The following AGMO variants were observed in gnomAD, a reference collection of about 807,000 sequenced individuals.
AGMO encodes the protein glyceryl-ether monooxygenase.
AGMO carries 75 observed loss-of-function variants against 60.2 expected under a neutral mutation model. That is an observed-to-expected ratio of 1.25 (90% CI 1.03 to 1.51). The LOEUF (loss-of-function observed/expected upper bound fraction) is 1.51, where lower values mean the gene tolerates loss of function less well. Among genes scored for constraint, AGMO ranks in the 40% most tolerant of loss-of-function variants. The pLI is 0.00. For missense variants in AGMO, 763 were observed against 525.5 expected (o/e 1.45, Z -4.42); for synonymous variants, 261 against 177.1 (o/e 1.47, Z -3.76).
intron 3 of AGMO, among the ~76,000 whole-genome samples, chr7:15,465,341 G>T (rs1380943263): frequency 1.3e-5 from 2 of 150,536 alleles, no homozygotes; most frequent in Non-Finnish European, 3.0e-5. Flanking sequence ...GTGTGTGCGT[G>T]TGTGTATATA....
intron 12 of AGMO, among the ~76,000 whole-genome samples, chr7:15,305,897 A>G (rs1020839748): frequency 2.6e-5 from 4 of 151,966 alleles, no homozygotes; most frequent in African/African-American, 9.7e-5. Context: ...AAAAGAACAA[A>G]TCTTTTTTTA....
intron 10 of AGMO, among the ~76,000 whole-genome samples, chr7:15,366,923 T>A (rs955190861): frequency 6.6e-6 from 1 of 152,042 alleles, no homozygotes; most frequent in African/African-American, 2.4e-5. Context: ...AGTCTGTCCA[T>A]TGAGATTATT....
chr7:15,445,524 T>C (rs1484945963), intron 3 of AGMO, among the ~76,000 whole-genome samples: 1 of 152,198 alleles, frequency 6.6e-6, no homozygotes, highest in African/African-American at 2.4e-5. Flanking sequence ...CTACCAGAGC[T>C]ACCTCATTTG....
chr7:15,185,852 T>C, the AGMO span, among the ~76,000 whole-genome samples: 2 of 152,176 alleles, frequency 1.3e-5, no homozygotes, highest in African/African-American at 4.8e-5. Context: ...AGAATCAAAA[T>C]TAATTAAGCA....
chr7:15,536,688 C>T (rs1040204689), intron 3 of AGMO, among the ~76,000 whole-genome samples: 1 of 151,776 alleles, frequency 6.6e-6, no homozygotes, highest in Non-Finnish European at 1.5e-5. Context: ...AAAATTAATA[C>T]ATAAGTAAAT....
intron 2 of AGMO, among the ~76,000 whole-genome samples, chr7:15,551,025 A>G (rs1318371344): frequency 6.7e-6 from 1 of 148,506 alleles, no homozygotes; most frequent in Non-Finnish European, 1.5e-5. Flanking sequence ...ACGCAAATCA[A>G]TAAATGTAAT....
At chr7:15,345,427 C>A (rs1245054196) in intron 12 of AGMO, among the ~76,000 whole-genome samples, 1 of 152,136 alleles carries the variant, frequency 6.6e-6, no homozygotes, top group African/African-American at 2.4e-5. Flanking sequence ...ACTCAAGATA[C>A]AAATCATCAC....
chr7:15,540,390 A>G (rs1237883184), intron 3 of AGMO, among the ~76,000 whole-genome samples: 2 of 152,186 alleles, frequency 1.3e-5, no homozygotes, highest in Non-Finnish European at 2.9e-5. Flanking sequence ...ACAGCTGAGC[A>G]AGAGGTGAAG....
intron 5 of AGMO, among the ~76,000 whole-genome samples, chr7:15,395,570 G>A (rs376865815): frequency 6.6e-6 from 1 of 152,186 alleles, no homozygotes; most frequent in East Asian, 1.9e-4. Context: ...CACGACAGCT[G>A]ATCCAGATTA....
chr7:15,134,915 T>C, the AGMO span, among the ~76,000 whole-genome samples: 1 of 152,250 alleles, frequency 6.6e-6, no homozygotes, highest in South Asian at 2.1e-4. Flanking sequence ...ACTTTTAGTT[T>C]ACACACGAAT....
chr7:15,210,874 A>G (rs960814348), intron 12 of AGMO, among the ~76,000 whole-genome samples: 5 of 152,122 alleles, frequency 3.3e-5, no homozygotes, highest in African/African-American at 1.2e-4. Flanking sequence ...AGCAGCAGAG[A>G]AAATATTTTT....
intron 10 of AGMO, among the ~76,000 whole-genome samples, chr7:15,383,761 C>T (rs1283695661): frequency 6.6e-6 from 1 of 152,040 alleles, no homozygotes; most frequent in African/African-American, 2.4e-5. Context: ...TCTGTATTCA[C>T]TGAATGTTAA....
chr7:15,363,325 T>A (rs1583459473), intron 12 of AGMO, among the ~76,000 whole-genome samples: 1 of 152,126 alleles, frequency 6.6e-6, no homozygotes, highest in African/African-American at 2.4e-5. Flanking sequence ...GATCCTTAAG[T>A]TCATATAAAA....
chr7:15,288,223 G>A (rs1029185190), intron 12 of AGMO, among the ~76,000 whole-genome samples: 4 of 151,674 alleles, frequency 2.6e-5, no homozygotes, highest in South Asian at 2.1e-4. Context: ...TAGTAGAGAC[G>A]GAGTTTCACC....
At chr7:15,302,648 T>C (rs1780479087) in intron 12 of AGMO, among the ~76,000 whole-genome samples, 1 of 152,172 alleles carries the variant, frequency 6.6e-6, no homozygotes, top group Non-Finnish European at 1.5e-5. Flanking sequence ...CAGGTATTTA[T>C]TTTCTAATAT....
intron 4 of AGMO, among the ~76,000 whole-genome samples, chr7:15,423,546 G>A (rs886702571): frequency 3.9e-5 from 6 of 152,192 alleles, no homozygotes; most frequent in African/African-American, 1.4e-4. Context: ...AACATGGTGT[G>A]GGAGACCCTG....
At chr7:15,355,367 G>C (rs536220512) in intron 12 of AGMO, among the ~76,000 whole-genome samples, 2 of 152,024 alleles carry the variant, frequency 1.3e-5, no homozygotes, top group East Asian at 3.9e-4. Context: ...GCCAAGCATG[G>C]TGGCGGATGC....
At chr7:15,382,217 ATC>A (rs1783722479) in intron 10 of AGMO, among the ~76,000 whole-genome samples, 1 of 152,192 alleles carries the variant, frequency 6.6e-6, no homozygotes, top group South Asian at 2.1e-4. Context: ...TTATTCAATA[ATC>A]TCTATAACAA....
chr7:15,371,612 G>T (rs548077300), intron 10 of AGMO, among the ~76,000 whole-genome samples: 1 of 152,210 alleles, frequency 6.6e-6, no homozygotes, highest in Admixed American at 6.5e-5. Flanking sequence ...GACCAGGCTT[G>T]GTCTCGAACT....
Sources: gnomAD v4.1 joint callset for allele counts (sites outside exome capture counted in the v4.1 genomes callset) on GRCh38, gnomAD v4.1.1 for gene constraint, MANE v1.5 for transcripts, NCBI Gene and HGNC (gene_info 2026-07-23, HGNC 2026-07-21) for gene names.